The following CAPRIN1 variants were observed in gnomAD, a reference collection of about 807,000 sequenced individuals.
CAPRIN1 encodes the protein caprin-1.
In CAPRIN1, 29 loss-of-function variants were observed where a neutral mutation model predicts 100.9. The ratio of observed to expected loss-of-function variants is 0.29; its 90% CI spans 0.21 to 0.39. The LOEUF is 0.39. Among genes scored for constraint, CAPRIN1 ranks in the 10% least tolerant of loss-of-function variants. CAPRIN1 has a pLI of 1.00. For synonymous variants in CAPRIN1, 338 were observed against 307.5 expected (o/e 1.10, Z -1.04); for missense variants, 795 against 876.7 (o/e 0.91, Z 1.18).
chr11:34,091,874 A>C (rs200850629), intron 14 of CAPRIN1, 32 bp from the exon 15 acceptor site: 111 of 1,584,992 alleles, frequency 7.0e-5, no homozygotes, highest in Non-Finnish European at 9.5e-5. Context: ...GAATAAAAGG[A>C]TGAACTAATC....
chr11:34,096,551 A>C lies in CAPRIN1; in HGVS notation c.1778A>C (p.Gln593Pro). 1 of 1,614,184 alleles carries C rather than the reference A, an allele frequency of 6.2e-7. No homozygotes were observed. Among genetic ancestry groups the C allele is most frequent in the Non-Finnish European group, 8.5e-7 (1 of 1,180,012 alleles). ...VTGNHQQPPQ[Q>P]NTGFPRSNQP... Reference sequence around the variant, plus strand: ...GGTAACCACCAGCAGCCTCCTCAGCAGAACACTGGATTTCCACGTAGCAAT... The same window carrying C: ...GGTAACCACCAGCAGCCTCCTCAGCCGAACACTGGATTTCCACGTAGCAAT... The change falls in exon 16 of 19, where the codon CAG becomes CCG. Residue 593 changes from glutamine (Q) to proline (P), a missense_variant. This residue lies in a region of CAPRIN1 where 648 missense variants were observed against 697.9 expected (regional missense o/e 0.93). Coordinates refer to ENST00000341394, the MANE Select transcript of CAPRIN1 (RefSeq NM_005898.5).
At chr11:34,092,177 T>C (rs1333499215) in intron 15 of CAPRIN1, 121 bp downstream of exon 15, 1 of 851,632 alleles carries the variant, frequency 1.2e-6, no homozygotes, top group Non-Finnish European at 1.7e-6. Flanking sequence ...TAGCAGACCA[T>C]ATGAATTTTT....
At chr11:34,082,612 A>G (rs1161894523) in intron 7 of CAPRIN1, among the ~76,000 whole-genome samples, 1 of 152,222 alleles carries the variant, frequency 6.6e-6, no homozygotes, top group Non-Finnish European at 1.5e-5. Context: ...CCCCCCAACC[A>G]GAGTGGTACA....
chr11:34,058,578 C>CA (rs924180282), intron 2 of CAPRIN1, among the ~76,000 whole-genome samples: 2 of 152,132 alleles, frequency 1.3e-5, no homozygotes, highest in Non-Finnish European at 2.9e-5. Context: ...AAACTGAATG[C>CA]AAAAGAAAAA....
intron 6 of CAPRIN1, 82 bp downstream of exon 6, chr11:34,076,724 AG>A: frequency 9.8e-7 from 1 of 1,015,842 alleles, no homozygotes; most frequent in South Asian, 1.5e-5. Flanking sequence ...TTCACTTGGA[AG>A]AAAAAAATTA....
At chr11:34,077,881 T>C (rs1850937002) in intron 6 of CAPRIN1, among the ~76,000 whole-genome samples, 1 of 152,218 alleles carries the variant, frequency 6.6e-6, no homozygotes, top group Non-Finnish European at 1.5e-5. Flanking sequence ...AATATGTGTT[T>C]ACCCTTTTGC....
At chr11:34,063,601 C>G (rs991462691) in intron 2 of CAPRIN1, among the ~76,000 whole-genome samples, 2 of 152,198 alleles carry the variant, frequency 1.3e-5, no homozygotes, top group Non-Finnish European at 2.9e-5. Context: ...TCACACCTCT[C>G]CCATGATTCC....
intron 2 of CAPRIN1, among the ~76,000 whole-genome samples, chr11:34,062,685 T>TA (rs1850606218): frequency 6.7e-6 from 1 of 149,308 alleles, no homozygotes; most frequent in Non-Finnish European, 1.5e-5. Context: ...GGAAAAGAAA[T>TA]ATTTTGTTTT....
intron 2 of CAPRIN1, among the ~76,000 whole-genome samples, chr11:34,054,599 TTGTATTTTTA>T (rs1278021291): frequency 6.6e-6 from 1 of 152,142 alleles, no homozygotes; most frequent in African/African-American, 2.4e-5. Flanking sequence ...AGCTAATTTT[TTGTATTTTTA>T]GTAGAGACAG....
intron 2 of CAPRIN1, among the ~76,000 whole-genome samples, chr11:34,069,026 A>C (rs555568176): frequency 1.3e-5 from 2 of 152,258 alleles, no homozygotes; most frequent in Middle Eastern, 3.4e-3. Flanking sequence ...TGAACTGTGT[A>C]CTAGCACTGA....
rs1393564271 is a variant in CAPRIN1 at position 34,101,435 on chromosome 11, T to A, written c.*2068T>A. Among the ~76,000 whole-genome samples, 2 of 152,202 alleles carry A rather than the reference T, an allele frequency of 1.3e-5. No individual in the cohort carries two copies. Among genetic ancestry groups the A allele is most frequent in the African/African-American group, 4.8e-5 (2 of 41,450 alleles). On this transcript the variant is annotated 3_prime_UTR_variant, in exon 19 of 19. Transcript: ENST00000341394. ...CATTTACAATCAGGACTGAAGTAAG[T>A]TCTTCACACAGTGACCTCTGAATCA...
At chr11:34,069,612 C>T (rs890192789) in intron 2 of CAPRIN1, among the ~76,000 whole-genome samples, 2 of 152,026 alleles carry the variant, frequency 1.3e-5, no homozygotes, top group Non-Finnish European at 2.9e-5. Flanking sequence ...TAATTGGACA[C>T]ATCTTCTGCA....
At chr11:34,079,546 A>T in intron 6 of CAPRIN1, 82 bp from the exon 7 acceptor site, 1 of 1,147,694 alleles carries the variant, frequency 8.7e-7, no homozygotes, top group Non-Finnish European at 1.3e-6. Flanking sequence ...TTTAATCACA[A>T]TATTTTATAG....
At chr11:34,053,049 T>G (rs964781075) in intron 2 of CAPRIN1, 1 of 1,036,188 alleles carries the variant, frequency 9.7e-7, no homozygotes, top group African/African-American at 1.7e-5. Flanking sequence ...GGCTCCGGGT[T>G]CAACCGACCG....
Position 34,076,295 on chromosome 11 carries a change from A to G in CAPRIN1, c.426A>G (p.Glu142=). 1 of 1,614,234 alleles carries G rather than the reference A, an allele frequency of 6.2e-7. No individual in the cohort carries two copies. Among genetic ancestry groups the G allele is most frequent in the South Asian group, 1.1e-5 (1 of 91,086 alleles). The stretch of plus-strand genomic sequence containing the variant: ...AGCAGCTTATGAGAGAAGAAGCTGA[A>G]CAGAAACGTTTAAAAACTGTACTTG... ...RREQLMREEA[E]QKRLKTVLEL... is the part of the protein sequence containing the mutation. Residue 142 remains glutamate (E), a synonymous_variant, in exon 5 of 19, where the codon GAA becomes GAG. Coordinates refer to ENST00000341394, the MANE Select transcript of CAPRIN1 (RefSeq NM_005898.5).
intron 2 of CAPRIN1, among the ~76,000 whole-genome samples, chr11:34,070,609 T>G (rs1850788374): frequency 6.6e-6 from 1 of 152,172 alleles, no homozygotes; most frequent in Admixed American, 6.5e-5. Flanking sequence ...TTGGCCAGGC[T>G]GGTCTTAATC....
intron 18 of CAPRIN1, chr11:34,098,728 C>T (rs1406254563): frequency 2.0e-6 from 2 of 985,062 alleles, no homozygotes; most frequent in East Asian, 1.1e-4. Context: ...GTAGCATATT[C>T]GATGAAAGTT....
intron 7 of CAPRIN1, 140 bp downstream of exon 7, chr11:34,079,905 G>GCT (rs1850980473): frequency 9.5e-6 from 3 of 316,654 alleles, no homozygotes; most frequent in African/African-American, 8.7e-5. Context: ...GCATGACAAA[G>GCT]TTTTTTTTTT....
chr11:34,052,759 AC>A, intron 2 of CAPRIN1, 123 bp downstream of exon 2: 1 of 1,365,062 alleles, frequency 7.3e-7, no homozygotes, highest in Non-Finnish European at 9.9e-7. Flanking sequence ...CCCTCCTCCC[AC>A]CCCCTGGCCC....
Sources: gnomAD v4.1 joint callset for allele counts (sites outside exome capture counted in the v4.1 genomes callset) on GRCh38, gnomAD v4.1.1 for gene constraint, gnomAD v4.1.1 regional missense constraint, MANE v1.5 for transcripts, NCBI Gene and HGNC (gene_info 2026-07-23, HGNC 2026-07-21) for gene names.